The following CR1L variants were observed in gnomAD, a reference collection of about 807,000 sequenced individuals.
CR1L encodes the protein complement C3b/C4b receptor 1 like.
Under a neutral mutation model 62.3 loss-of-function variants are expected in CR1L, and 59 were observed. The observed-to-expected ratio is 0.95, with a 90% confidence interval of 0.77 to 1.18. The LOEUF (loss-of-function observed/expected upper bound fraction) is 1.18, where lower values mean the gene tolerates loss of function less well. Ranked by LOEUF, CR1L falls within the 50% of genes most tolerant of loss-of-function variation. CR1L has a pLI of 0.00. For missense variants in CR1L, 700 were observed against 702.8 expected (o/e 1.00, Z 0.04); for synonymous variants, 279 against 248.7 (o/e 1.12, Z -1.15).
At chr1:207,679,388 G>A (rs1663761202) in intron 3 of CR1L, among the ~76,000 whole-genome samples, 1 of 151,946 alleles carries the variant, frequency 6.6e-6, no homozygotes, top group Non-Finnish European at 1.5e-5. Context: ...GATTGCCTCT[G>A]CAAAGACCGT....
intron 8 of CR1L, 40 bp downstream of exon 8, chr1:207,699,314 T>C (rs1479737191): frequency 6.2e-7 from 1 of 1,609,342 alleles, no homozygotes; most frequent in South Asian, 1.1e-5. Flanking sequence ...ATCTCTCCCC[T>C]TCATCTGTTC....
chr1:207,654,894 G>T (rs976610975), intron 1 of CR1L, among the ~76,000 whole-genome samples: 1 of 152,152 alleles, frequency 6.6e-6, no homozygotes, highest in African/African-American at 2.4e-5. Context: ...GTGAGAAAAC[G>T]CACAGAAATG....
chr1:207,699,120 C>T, intron 7 of CR1L, 69 bp from the exon 8 acceptor site: 2 of 1,600,058 alleles, frequency 1.2e-6, no homozygotes, highest in Non-Finnish European at 1.7e-6. Flanking sequence ...TGGGGCTGGG[C>T]CTTAGATTGT....
Position 207,723,698 on chromosome 1 carries a change from A to ACTT in CR1L, c.*14_*16dup. The ACTT allele has an allele frequency of 6.6e-7, 1 of 1,516,608 alleles. No homozygotes were observed. Among genetic ancestry groups the ACTT allele is most frequent in the Non-Finnish European group, 9.0e-7 (1 of 1,105,926 alleles). The allele number at this position is 1,516,608 out of a possible 1,614,324, so 93.9% of individuals were successfully genotyped here. On this transcript the variant is annotated 3_prime_UTR_variant, in exon 12 of 12. Transcript: ENST00000508064. ...CTGTCATCTTTAACAGTAAGTACCT[A>ACTT]CTTATAATGAATGCAATGTAGAAAG...
chr1:207,684,355 C>T (rs1663861664), intron 4 of CR1L, among the ~76,000 whole-genome samples: 1 of 152,192 alleles, frequency 6.6e-6, no homozygotes, highest in Admixed American at 6.5e-5. Flanking sequence ...GAGATCAACA[C>T]ATCCTCTTGA....
chr1:207,661,935 G>A (rs1663431038), intron 1 of CR1L, among the ~76,000 whole-genome samples: 1 of 152,074 alleles, frequency 6.6e-6, no homozygotes, highest in Non-Finnish European at 1.5e-5. Flanking sequence ...GAAATTCTGG[G>A]TTGAAAATTC....
Position 207,670,655 on chromosome 1 carries a change from C to T in CR1L, c.98-6734C>T, listed in dbSNP as rs1245926593. Among the ~76,000 whole-genome samples the T allele has an allele frequency of 6.6e-5, 10 of 150,936 alleles. 1 individual carries two copies. Among genetic ancestry groups the T allele is most frequent in the African/African-American group, 9.9e-5 (4 of 40,286 alleles). On this transcript the variant is annotated intron_variant, in intron 1 of 11. Transcript: ENST00000508064. ...TCATTATTTGAGTGTTCCTTCTTCT[C>T]TAAAAGAGTAAGGGGAAAAGAAAAC...
intron 1 of CR1L, among the ~76,000 whole-genome samples, chr1:207,659,423 C>T (rs757161846): frequency 1.3e-5 from 2 of 152,244 alleles, no homozygotes; most frequent in Non-Finnish European, 2.9e-5. Context: ...TACTGGAGGA[C>T]AGTGAGCCAT....
chr1:207,655,287 CT>C (rs372554262), intron 1 of CR1L: 101,696 of 446,500 alleles, frequency 0.23, 2 homozygotes, highest in South Asian at 0.29. Flanking sequence ...TAAGTAAATT[CT>C]TTTTTTTTTT....
chr1:207,723,499 A>C (rs573064901), intron 11 of CR1L, 119 bp from the exon 12 acceptor site: 1 of 820,936 alleles, frequency 1.2e-6, no homozygotes, highest in African/African-American at 1.7e-5. Context: ...GGCTTTTTAT[A>C]AAAAATATTA....
intron 1 of CR1L, among the ~76,000 whole-genome samples, chr1:207,647,447 A>G (rs543329550): frequency 1.3e-5 from 2 of 152,282 alleles, no homozygotes; most frequent in Non-Finnish European, 2.9e-5. Context: ...AACCCAGTTC[A>G]AGTACCTCTT....
intron 4 of CR1L, among the ~76,000 whole-genome samples, chr1:207,692,512 C>T (rs994414471): frequency 6.6e-5 from 10 of 152,186 alleles, no homozygotes; most frequent in African/African-American, 2.2e-4. Flanking sequence ...ACTTGACTAG[C>T]GTCCCTGCCC....
chr1:207,669,469 C>G (rs568751018), intron 1 of CR1L: 53 of 1,520,778 alleles, frequency 3.5e-5, no homozygotes, highest in Non-Finnish European at 4.6e-5. Flanking sequence ...TCCGAGAAGC[C>G]GGGAGCCTGT....
chr1:207,704,286 C>T (rs1371071616), intron 9 of CR1L, among the ~76,000 whole-genome samples: 1 of 152,200 alleles, frequency 6.6e-6, no homozygotes, highest in Non-Finnish European at 1.5e-5. Flanking sequence ...TGTATTGCTA[C>T]AATATCATGA....
At chr1:207,706,660 G>C (rs1235224750) in intron 9 of CR1L, among the ~76,000 whole-genome samples, 1 of 152,198 alleles carries the variant, frequency 6.6e-6, no homozygotes, top group Non-Finnish European at 1.5e-5. Context: ...AATTGTAGAA[G>C]ATAGCACTTC....
At position 207,708,192 on chromosome 1, in the gene CR1L, G is replaced by A. The variant is rs1316939632; in HGVS notation, c.1343G>A (p.Gly448Asp). The A allele has an allele frequency of 1.1e-5, 18 of 1,611,274 alleles. No homozygotes were observed. The highest frequency in any genetic ancestry group is 1.4e-5 in the Non-Finnish European group (17 of 1,179,448). Residue 448 changes from glycine (G) to aspartate (D), a missense_variant, in exon 10 of 12, where the codon GGT becomes GAT. Gly to Asp is a moderately conservative substitution (Grantham distance 94). Coordinates refer to ENST00000508064, the MANE Select transcript of CR1L (RefSeq NM_175710.2). The stretch of plus-strand genomic sequence containing the variant: ...TTTGCCTTTAGGCACCGACTCATTG[G>A]TCACTCATCTGCTGAATGTATCCTC... ...YSCTTGHRLI[G>D]HSSAECILSG...
intron 3 of CR1L, among the ~76,000 whole-genome samples, chr1:207,682,341 G>A (rs150317327): frequency 1.3e-5 from 2 of 151,784 alleles, no homozygotes; most frequent in South Asian, 2.1e-4. Context: ...GCATAGTGGC[G>A]TGCACCTGTA....
At chr1:207,685,108 A>T (rs1663878841) in intron 4 of CR1L, among the ~76,000 whole-genome samples, 2 of 152,250 alleles carry the variant, frequency 1.3e-5, no homozygotes, top group African/African-American at 4.8e-5. Flanking sequence ...ATTAAAAAAA[A>T]TTAGTAAAAT....
At chr1:207,722,642 T>C (rs1340795544) in intron 11 of CR1L, among the ~76,000 whole-genome samples, 3 of 152,206 alleles carry the variant, frequency 2.0e-5, no homozygotes, top group Admixed American at 2.0e-4. Flanking sequence ...AGTACCCTTT[T>C]TTTAAATTGT....
Sources: allele counts gnomAD v4.1 joint callset (sites outside exome capture counted in the v4.1 genomes callset), GRCh38; gene constraint gnomAD v4.1.1; transcripts MANE v1.5; gene names NCBI Gene and HGNC (gene_info 2026-07-23, HGNC 2026-07-21).